The following RABGGTB variants were observed in gnomAD, a reference collection of about 807,000 sequenced individuals.
The protein encoded by RABGGTB is Rab geranylgeranyltransferase subunit beta.
A neutral mutation model predicts 44.5 loss-of-function variants in RABGGTB; 20 were observed. The ratio of observed to expected loss-of-function variants is 0.45; its 90% confidence interval spans 0.32 to 0.65. The LOEUF (loss-of-function observed/expected upper bound fraction) is 0.65. Among genes scored for constraint, RABGGTB ranks in the 30% least tolerant of loss-of-function variants. The probability of loss-of-function intolerance (pLI) is 0.05; values close to 1 mark genes in which losing one functional copy is unlikely to be tolerated. For missense variants in RABGGTB, 302 were observed against 398.7 expected, an observed-to-expected ratio of 0.76 and a Z score of 2.06; for synonymous variants, 128 against 136.7, an observed-to-expected ratio of 0.94 and a Z score of 0.44.
chr1:75,789,891 G>A (rs1649604175), intron 3 of RABGGTB, 61 bp from the exon 4 acceptor site: 1 of 1,258,170 alleles, frequency 7.9e-7, no homozygotes, highest in Middle Eastern at 2.3e-4. Flanking sequence ...AAAGAGTTGA[G>A]CATAAGATCA....
In RABGGTB at chr1:75,790,223, T is replaced by C. The variant is rs887455580; in HGVS notation, c.415+166T>C. On this transcript the variant is annotated intron_variant, in intron 4 of 8. Transcript: ENST00000319942. Reference sequence around the variant, plus strand: ...CTTCCAGCATGCACTGTGGTAGTTATATCAGCATATACAGGAGCACTGGAA... The same window carrying C: ...CTTCCAGCATGCACTGTGGTAGTTACATCAGCATATACAGGAGCACTGGAA... 15 of 1,422,038 alleles carry C rather than the reference T, an allele frequency of 1.1e-5. No individual in the cohort carries two copies. In the Admixed American group the frequency reaches 1.2e-4, roughly 11 times the overall value. 88.1% of individuals were successfully genotyped at this position (1,422,038 alleles called of 1,614,324 possible). A position where few individuals can be genotyped will look rare whatever the true frequency, so the allele number is the denominator to read the frequency against.
rs746316488 is a variant in RABGGTB at position 75,794,070 on chromosome 1, T to A, written c.706-14T>A. On this transcript the variant is annotated splice_polypyrimidine_tract_variant and intron_variant, in intron 7 of 8. Coordinates refer to ENST00000319942, the MANE Select transcript of RABGGTB (RefSeq NM_004582.4). ...AAAAGAGAATGAAATTGTGGCAACT[T>A]TTTTCCCTCCTAGTTACCAGATGTA... 3.2e-6 allele frequency: 5 copies of A among 1,545,152 alleles called. No homozygotes were observed. The South Asian group carries it at 6.1e-5, about 19-fold the overall frequency.
intron 7 of RABGGTB, among the ~76,000 whole-genome samples, chr1:75,792,670 T>C (rs780982851): frequency 2.6e-4 from 40 of 152,204 alleles, no homozygotes; most frequent in South Asian, 4.1e-4. Flanking sequence ...TTATTAAATT[T>C]TCCTCCACAT....
chr1:75,789,089 T>G, intron 2 of RABGGTB, 70 bp from the exon 3 acceptor site: 1 of 1,403,854 alleles, frequency 7.1e-7, no homozygotes, highest in Non-Finnish European at 1.0e-6. Flanking sequence ...TGAGTTACCT[T>G]TGTGTTTAAT....
At chr1:75,790,868 C>T (rs1649630154) in intron 4 of RABGGTB, among the ~76,000 whole-genome samples, 1 of 152,132 alleles carries the variant, frequency 6.6e-6, no homozygotes, top group African/African-American at 2.4e-5. Flanking sequence ...GATGGGGTCC[C>T]CTGGCCTCAT....
chr1:75,786,293 C>G lies in RABGGTB; in HGVS notation c.3+19C>G, dbSNP rs777076907. 4 of 1,614,182 alleles carry G rather than the reference C, an allele frequency of 2.5e-6. No individual in the cohort carries two copies. The highest frequency in any genetic ancestry group is 3.4e-6 in the Non-Finnish European group (4 of 1,179,986). ...AGACATGGTAAGTGTGAGTTTAGCGCTGCTGTCCGGATGGGTTGGTAGCAG... is the reference window on the plus strand; with the variant it reads ...AGACATGGTAAGTGTGAGTTTAGCGGTGCTGTCCGGATGGGTTGGTAGCAG... On this transcript the variant is annotated intron_variant, in intron 1 of 8. Coordinates refer to ENST00000319942, the MANE Select transcript of RABGGTB (RefSeq NM_004582.4).
chr1:75,786,936 TA>T (rs890445376), intron 1 of RABGGTB: 2 of 361,698 alleles, frequency 5.5e-6, no homozygotes, highest in African/African-American at 4.5e-5. Flanking sequence ...TTTTATTTTT[TA>T]AAAATATGCT....
chr1:75,787,722 G>A (rs1276571098), intron 2 of RABGGTB, 118 bp downstream of exon 2: 3 of 808,486 alleles, frequency 3.7e-6, no homozygotes, highest in Non-Finnish European at 6.1e-6. Context: ...AACTGAGGAT[G>A]TGCTGTGCCT....
chr1:75,792,107 T>G (rs1379679944), intron 6 of RABGGTB, 74 bp from the exon 7 acceptor site: 1 of 1,329,956 alleles, frequency 7.5e-7, no homozygotes, highest in South Asian at 1.3e-5. Flanking sequence ...AAGTGGTGTT[T>G]TAATAATTTG....
chr1:75,790,509 T>TTAA (rs768611653), intron 4 of RABGGTB: 6 of 1,003,686 alleles, frequency 6.0e-6, no homozygotes, highest in Non-Finnish European at 7.1e-6. Flanking sequence ...TCTACTTTTA[T>TTAA]AAAGTAGGGT....
rs1649589333 is a variant in RABGGTB, at chr1:75,789,416, A to T, written c.309+60A>T. On this transcript the variant is annotated intron_variant, in intron 3 of 8. Transcript: ENST00000319942. The stretch of plus-strand genomic sequence containing the variant: ...GTATGTTCTCTTACTTCAGAGTTGG[A>T]AATTGAAACTGTATCAGGATTTGGT... The T allele has an allele frequency of 3.3e-6, 5 of 1,524,924 alleles. No individual in the cohort carries two copies. The African/African-American group carries it at 6.8e-5, about 21-fold the overall frequency. 94.5% of individuals were successfully genotyped at this position (1,524,924 alleles called of 1,614,324 possible).
chr1:75,792,434 T>G, intron 7 of RABGGTB, 128 bp downstream of exon 7: 1 of 1,290,748 alleles, frequency 7.7e-7, no homozygotes, highest in African/African-American at 1.5e-5. Context: ...TTGTGAATTT[T>G]CAGTAATATA....
In RABGGTB at chr1:75,786,324, G is replaced by A. The variant is rs1225833624; in HGVS notation, c.3+50G>A. The A allele has an allele frequency of 3.7e-6, 6 of 1,609,330 alleles. No homozygotes were observed. The Admixed American group carries it at 1.0e-4, about 27-fold the overall frequency. ...TCCGGATGGGTTGGTAGCAGACAGG[G>A]TGGAGTAGGGTTAAGCACACTGGTC... On this transcript the variant is annotated intron_variant, in intron 1 of 8. Coordinates refer to ENST00000319942, the MANE Select transcript of RABGGTB (RefSeq NM_004582.4).
chr1:75,793,961 C>A, intron 7 of RABGGTB, 123 bp from the exon 8 acceptor site: 3 of 1,025,880 alleles, frequency 2.9e-6, no homozygotes, highest in Non-Finnish European at 4.1e-6. Flanking sequence ...TTTCGTCCTT[C>A]CACATGGTTT....
intron 7 of RABGGTB, among the ~76,000 whole-genome samples, chr1:75,793,002 C>T (rs776049758): frequency 1.2e-4 from 18 of 152,062 alleles, no homozygotes; most frequent in African/African-American, 3.4e-4. Flanking sequence ...TTATTAGAGA[C>T]GGGGTTTCAC....
chr1:75,794,119 T>G lies in RABGGTB; in HGVS notation c.741T>G (p.Ala247=), dbSNP rs1281024194. The change falls in exon 8 of 9, where the codon GCT becomes GCG. Residue 247 remains alanine (A), a synonymous_variant. Transcript: ENST00000319942. ...TATGCTACTCATGGTGGGTCCTGGC[T>G]TCCCTAAAGATAATTGGAAGACTTC... is the stretch of plus-strand genomic sequence containing the variant. ...PDVCYSWWVL[A]SLKIIGRLHW... is the part of the protein sequence containing the mutation. 4 of 1,613,866 alleles carry G rather than the reference T, an allele frequency of 2.5e-6. No individual in the cohort carries two copies. Among genetic ancestry groups the G allele is most frequent in the South Asian group, 1.1e-5 (1 of 91,048 alleles).
intron 4 of RABGGTB, chr1:75,790,610 A>G: frequency 6.0e-6 from 3 of 499,198 alleles, no homozygotes; most frequent in Non-Finnish European, 7.8e-6. Context: ...GCTTTCTTTA[A>G]GCAGCTTAAG....
At chr1:75,786,536 C>T (rs1649490079) in intron 1 of RABGGTB, among the ~76,000 whole-genome samples, 1 of 151,922 alleles carries the variant, frequency 6.6e-6, no homozygotes, top group African/African-American at 2.4e-5. Context: ...CTGAACCCCT[C>T]TAAAAAGCTG....
At chr1:75,794,279 G>T (rs1475488640) in intron 8 of RABGGTB, 46 bp downstream of exon 8, 1 of 1,556,862 alleles carries the variant, frequency 6.4e-7, no homozygotes, top group South Asian at 1.2e-5. Flanking sequence ...TTCAGCGTTT[G>T]CATTACTTCA....
Sources: gnomAD v4.1 joint callset for allele counts (sites outside exome capture counted in the v4.1 genomes callset) on GRCh38, gnomAD v4.1.1 for gene constraint, MANE v1.5 for transcripts, NCBI Gene and HGNC (gene_info 2026-07-23, HGNC 2026-07-21) for gene names.